Variants in NOL6 observed in about 807,000 individuals in gnomAD.
NOL6 encodes the protein nucleolar protein 6, also known as nucleolar RNA-associated protein.
Under a neutral mutation model 131.7 loss-of-function variants are expected in NOL6, and 33 were observed. The ratio of observed to expected loss-of-function variants is 0.25; its 90% CI spans 0.19 to 0.33. The LOEUF (loss-of-function observed/expected upper bound fraction) is 0.33. Among genes scored for constraint, NOL6 ranks in the 10% least tolerant of loss-of-function variants. The probability of loss-of-function intolerance (pLI) is 1.00; values close to 1 mark genes in which losing one functional copy is unlikely to be tolerated. For synonymous variants in NOL6, 580 were observed against 605.7 expected, an observed-to-expected ratio of 0.96 and a Z score of 0.62; for missense variants, 1,297 against 1,494.5, an observed-to-expected ratio of 0.87 and a Z score of 2.18.
chr9:33,467,014 G>C lies in NOL6; in HGVS notation c.1875-27C>G, dbSNP rs756914761. 1.9e-6 allele frequency: 3 copies of C among 1,614,078 alleles called. No homozygotes were observed. In the East Asian group the frequency reaches 6.7e-5, roughly 36 times the overall value. On this transcript the variant is annotated intron_variant, in intron 14 of 25. Transcript: ENST00000297990. The surrounding 1 kb of genome is among the most constrained non-coding windows in gnomAD (Gnocchi z 4.4). ...TGAAAAAGAGGCAGAGACACAGTGA[G>C]AAAATTTGGGGCTATGTTCTCGCTC...
In NOL6 at chr9:33,463,311, C is replaced by G; in HGVS notation, c.3125G>C (p.Gly1042Ala). 6.2e-7 allele frequency: 1 copy of G among 1,614,120 alleles called. No individual in the cohort carries two copies. The highest frequency in any genetic ancestry group is 1.1e-5 in the South Asian group (1 of 91,072). The change falls in exon 24 of 26, where the codon GGG (glycine) becomes GCG (alanine). Residue 1042 changes from glycine (G) to alanine (A), a missense_variant. Physicochemically the swap from Gly to Ala is moderately conservative, Grantham distance 60. Transcript: ENST00000297990. ...SFCRGLLSQPGPSSLMPVLGY... is the reference protein window; with the variant it reads ...SFCRGLLSQPAPSSLMPVLGY... The stretch of plus-strand genomic sequence containing the variant: ...CAGCACGGGCATCAGGGATGAGGGC[C>G]CCGGCTGGCTGAGCAGGCCCCGGCA...
chr9:33,470,052 C>T lies in NOL6; in HGVS notation c.518G>A (p.Arg173Gln), dbSNP rs116020901. 452 of 1,610,920 alleles carry T rather than the reference C, an allele frequency of 2.8e-4. 1 individual carries two copies. Among genetic ancestry groups the T allele is most frequent in the Middle Eastern group, 2.5e-3 (15 of 6,044 alleles). The change falls in exon 4 of 26, where the codon CGA becomes CAA. Residue 173 changes from arginine to glutamine, a missense_variant. Coordinates refer to ENST00000297990, the MANE Select transcript of NOL6 (RefSeq NM_022917.5). ...TGCCACATCCACATTGATGTCTGGT[C>T]GGATGCAGGTGCCCAGAAGGTAGCT... The part of the protein sequence containing the change: ...VGSYLLGTCI[R>Q]PDINVDVALT...
Position 33,462,673 on chromosome 9 carries a change from C to T in NOL6, c.3432G>A (p.Trp1144Ter). 6.2e-7 allele frequency: 1 copy of T among 1,614,088 alleles called. No individual in the cohort carries two copies. Residue 1144 changes from tryptophan to a stop codon, truncating the protein, a stop_gained, in exon 26 of 26, where the codon TGG (tryptophan) becomes TGA (stop). Coordinates refer to ENST00000297990, the MANE Select transcript of NOL6 (RefSeq NM_022917.5). LOFTEE classifies it high-confidence loss of function. ...VQTVEARSER[W>*]TV The stretch of plus-strand genomic sequence containing the variant: ...TGCTCCAGAGCTGGGATCACACAGT[C>T]CACCTCTCACTTCGGGCCTCCACAG...
At position 33,465,715 on chromosome 9, in the gene NOL6, G is replaced by T. The variant is rs750533052; in HGVS notation, c.2528+19C>A. 1 of 1,606,190 alleles carries T rather than the reference G, an allele frequency of 6.2e-7. No individual in the cohort carries two copies. The highest frequency in any genetic ancestry group is 8.5e-7 in the Non-Finnish European group (1 of 1,175,218). ...GGAGGGGGCCTACAGACAGGAAGAAGCTGTGTCAGTGGCCTTACCCGTGCA... is the reference window on the plus strand; with the variant it reads ...GGAGGGGGCCTACAGACAGGAAGAATCTGTGTCAGTGGCCTTACCCGTGCA... On this transcript the variant is annotated intron_variant, in intron 19 of 25. Transcript: ENST00000297990.
chr9:33,462,988 C>T (rs769051140), intron 25 of NOL6, 45 bp downstream of exon 25: 1 of 1,580,766 alleles, frequency 6.3e-7, no homozygotes, highest in African/African-American at 1.3e-5. Flanking sequence ...CCACACAGAA[C>T]CACGTGCACA....
intron 4 of NOL6, 167 bp from the exon 5 acceptor site, chr9:33,469,834 A>G (rs151224410): frequency 1.9e-6 from 2 of 1,040,772 alleles, no homozygotes; most frequent in South Asian, 1.7e-5. Flanking sequence ...GCAAAGCTCC[A>G]AAAGGACAGC....
In NOL6 at chr9:33,472,030, T is replaced by G. The variant is rs758217056; in HGVS notation, c.352A>C (p.Arg118=). Residue 118 remains arginine, a synonymous_variant, in exon 3 of 26, where the codon AGG becomes CGG. Transcript: ENST00000297990. Reference sequence around the variant, plus strand: ...TCTGTCTCAGGGACTGAGGGCACCCTCACAACCCGCTGGTTGACCTCCCGT... The same window carrying G: ...TCTGTCTCAGGGACTGAGGGCACCCGCACAACCCGCTGGTTGACCTCCCGT... ...FLREVNQRVV[R]VPSVPETELT... 24 of 1,612,394 alleles carry G rather than the reference T, an allele frequency of 1.5e-5. No individual in the cohort carries two copies. The highest frequency in any genetic ancestry group is 1.7e-5 in the Admixed American group (1 of 60,000).
intron 21 of NOL6, 77 bp from the exon 22 acceptor site, chr9:33,464,238 G>A: frequency 6.6e-7 from 1 of 1,504,376 alleles, no homozygotes; most frequent in Non-Finnish European, 8.9e-7. Flanking sequence ...TCCTCCTACG[G>A]TGCCCCCAAC....
intron 3 of NOL6, 116 bp downstream of exon 3, chr9:33,471,888 G>A (rs1827419640): frequency 1.3e-6 from 1 of 770,124 alleles, no homozygotes; most frequent in Admixed American, 1.9e-5. Context: ...TCCTTGCTGT[G>A]AGAATGAGCT....
Position 33,468,152 on chromosome 9 carries a change from C to A in NOL6, c.1309-7G>T, listed in dbSNP as rs1176913741. On this transcript the variant is annotated splice_region_variant and splice_polypyrimidine_tract_variant and intron_variant, in intron 10 of 25. Coordinates refer to ENST00000297990, the MANE Select transcript of NOL6 (RefSeq NM_022917.5). ...GCCGTGCCTCATGCTGTACCTGGAG[C>A]CACAGAAGGGACCATCCCTGTGCCC... 6.2e-7 allele frequency: 1 copy of A among 1,614,160 alleles called. No individual in the cohort carries two copies. The highest frequency in any genetic ancestry group is 2.2e-5 in the East Asian group (1 of 44,874).
intron 3 of NOL6, among the ~76,000 whole-genome samples, 181 bp downstream of exon 3, chr9:33,471,818 TGCAAG>T (rs1255631960): frequency 6.6e-6 from 1 of 152,258 alleles, no homozygotes; most frequent in Non-Finnish European, 1.5e-5. Context: ...ACACAAATAC[TGCAAG>T]GCATGGAAGT....
rs1269085921 is a variant in NOL6, at chr9:33,466,977, T to C, written c.1885A>G (p.Ile629Val). Residue 629 changes from isoleucine to valine, a missense_variant, in exon 15 of 26, where the codon ATC becomes GTC. Physicochemically the swap from Ile to Val is conservative, Grantham distance 29. Transcript: ENST00000297990. ...ACATAGTGGACACAGGTTTCTGGGA[T>C]GTCAGCATGGCTGAAAAAGAGGCAG... The part of the protein sequence containing the change: ...VTHLLALHAD[I>V]PETCVHYVGG... The C allele has an allele frequency of 1.9e-6, 3 of 1,614,186 alleles. No individual in the cohort carries two copies. Among genetic ancestry groups the C allele is most frequent in the East Asian group, 2.2e-5 (1 of 44,884 alleles).
Position 33,469,230 on chromosome 9 carries a change from C to T in NOL6, c.839G>A (p.Arg280Gln), listed in dbSNP as rs533447707. ...ACCATCCCCTGCAGGACTCTGCCCT[C>T]GGTACCAGGCAGAGCGCACATTGTT... is the stretch of plus-strand genomic sequence containing the variant. Reference protein sequence around the residue: ...TKNNVRSAWYRGQSPAGDGSP... With the variant: ...TKNNVRSAWYQGQSPAGDGSP... The change falls in exon 6 of 26, where the codon CGA (arginine) becomes CAA (glutamine). Residue 280 changes from arginine (R) to glutamine (Q), a missense_variant. Physicochemically the swap from Arg to Gln is conservative, Grantham distance 43. Coordinates refer to ENST00000297990, the MANE Select transcript of NOL6 (RefSeq NM_022917.5). 9.7e-5 allele frequency: 156 copies of T among 1,614,232 alleles called. No individual in the cohort carries two copies. The highest frequency in any genetic ancestry group is 1.1e-4 in the Non-Finnish European group (129 of 1,180,040).
intron 8 of NOL6, 56 bp from the exon 9 acceptor site, chr9:33,468,622 A>G: frequency 6.2e-7 from 1 of 1,609,002 alleles, no homozygotes; most frequent in Non-Finnish European, 8.5e-7. Context: ...CCCAGCCCTA[A>G]TGACACCCTC....
Position 33,462,652 on chromosome 9 carries a change from C to A in NOL6, c.*12G>T, listed in dbSNP as rs746353055. On this transcript the variant is annotated 3_prime_UTR_variant, in exon 26 of 26. Transcript: ENST00000297990. ...TCCTGCTGTCCGTCTACAGCTTGCTCCAGAGCTGGGATCACACAGTCCACC... is the reference window on the plus strand; with the variant it reads ...TCCTGCTGTCCGTCTACAGCTTGCTACAGAGCTGGGATCACACAGTCCACC... 1.1e-5 allele frequency: 17 copies of A among 1,613,720 alleles called. No individual in the cohort carries two copies. In the African/African-American group the frequency reaches 2.1e-4, roughly 20 times the overall value.
chr9:33,465,050 C>T (rs1399172464), intron 20 of NOL6, 74 bp from the exon 21 acceptor site: 11 of 1,478,768 alleles, frequency 7.4e-6, no homozygotes, highest in Non-Finnish European at 1.0e-5. Context: ...CTATGGAGCT[C>T]AGACCCCCTG....
In NOL6 at chr9:33,463,152, AGAG is replaced by A. The variant is rs1253693600; in HGVS notation, c.3190-21_3190-19del. 2 of 1,610,720 alleles carry A rather than the reference AGAG, an allele frequency of 1.2e-6. No individual in the cohort carries two copies. The highest frequency in any genetic ancestry group is 1.1e-5 in the South Asian group (1 of 90,756). On this transcript the variant is annotated intron_variant, in intron 24 of 25. Transcript: ENST00000297990. ...AAGGCCTCCTAGAAAGGGACAGAAC[AGAG>A]AAGATTATAGGCAGGCATTTAAGAG...
At position 33,463,366 on chromosome 9, in the gene NOL6, G is replaced by A; in HGVS notation, c.3070C>T (p.Gln1024Ter). The part of the protein sequence containing the change: ...LSPRHIPRHR[Q>*]AVDSPAASFC... ...GAGGCAGCTGGCGAGTCCACAGCCT[G>A]GCGGTGCCGCGGGATATGGCGAGGA... Residue 1024 changes from glutamine (Q) to a stop codon, truncating the protein, a stop_gained, in exon 24 of 26, where the codon CAG becomes TAG. Coordinates refer to ENST00000297990, the MANE Select transcript of NOL6 (RefSeq NM_022917.5). LOFTEE classifies it high-confidence loss of function. 1.2e-6 allele frequency: 2 copies of A among 1,614,056 alleles called. No individual in the cohort carries two copies. Among genetic ancestry groups the A allele is most frequent in the Non-Finnish European group, 1.7e-6 (2 of 1,179,978 alleles).
At chr9:33,464,207 G>C (rs763468411) in intron 21 of NOL6, 46 bp from the exon 22 acceptor site, 1 of 1,560,668 alleles carries the variant, frequency 6.4e-7, no homozygotes, top group African/African-American at 1.4e-5. Flanking sequence ...CTCCCTGTAA[G>C]ACACCCTCTA....
Sources: gnomAD v4.1 joint callset for allele counts (sites outside exome capture counted in the v4.1 genomes callset) on GRCh38, gnomAD v4.1.1 for gene constraint, Gnocchi (gnomAD v3.1) non-coding constraint, MANE v1.5 for transcripts, NCBI Gene and HGNC (gene_info 2026-07-23, HGNC 2026-07-21) for gene names.